Variants in CPEB1 observed in about 807,000 individuals in gnomAD.
CPEB1 encodes cytoplasmic polyadenylation element-binding protein 1.
Under a neutral mutation model 65.8 loss-of-function variants are expected in CPEB1, and 7 were observed. The observed-to-expected ratio is 0.11, with a 90% CI of 0.06 to 0.20. The LOEUF is 0.20. CPEB1 is among the 10% of genes least tolerant of loss of function. The probability of loss-of-function intolerance (pLI) is 1.00; values close to 1 mark genes in which losing one functional copy is unlikely to be tolerated. For synonymous variants in CPEB1, 262 were observed against 260.0 expected, an observed-to-expected ratio of 1.01 and a Z score of -0.08; for missense variants, 551 against 712.2, an observed-to-expected ratio of 0.77 and a Z score of 2.58.
intron 3 of CPEB1, among the ~76,000 whole-genome samples, chr15:82,601,009 A>G (rs2043068213): frequency 6.8e-6 from 1 of 147,290 alleles, no homozygotes; most frequent in African/African-American, 2.5e-5. Context: ...AGTTCAAGCA[A>G]TTCTCCACCC....
chr15:82,562,301 A>G, intron 4 of CPEB1: 1 of 434,386 alleles, frequency 2.3e-6, no homozygotes, highest in Non-Finnish European at 4.5e-6. Context: ...GACCTAGAGT[A>G]TTTGGGTCTT....
intron 9 of CPEB1, 90 bp from the exon 10 acceptor site, chr15:82,549,748 GAAGCT>G: frequency 7.8e-7 from 1 of 1,277,410 alleles, no homozygotes; most frequent in Non-Finnish European, 1.1e-6. Flanking sequence ...TGGAGATACT[GAAGCT>G]AAGCTAACGC....
At chr15:82,611,129 T>C (rs2044117903) in intron 3 of CPEB1, among the ~76,000 whole-genome samples, 1 of 151,310 alleles carries the variant, frequency 6.6e-6, no homozygotes, top group Non-Finnish European at 1.5e-5. Flanking sequence ...CCAGCACAAT[T>C]AGGAAGGAAA....
intron 1 of CPEB1, among the ~76,000 whole-genome samples, chr15:82,641,197 C>G (rs965597936): frequency 5.3e-5 from 8 of 151,982 alleles, no homozygotes; most frequent in Non-Finnish European, 1.5e-5. Flanking sequence ...TCTCTAACAC[C>G]TTTTGAGCTT....
chr15:82,586,440 G>A (rs1380096407), intron 3 of CPEB1, among the ~76,000 whole-genome samples: 1 of 152,110 alleles, frequency 6.6e-6, no homozygotes, highest in Non-Finnish European at 1.5e-5. Context: ...TGTTAAAAGT[G>A]CTTTAAACTC....
In CPEB1 at chr15:82,543,471, A is replaced by ATTT. The variant is rs2034640175; in HGVS notation, c.*1120_*1121insAAA. 1 of 150,982 alleles carries ATTT rather than the reference A, an allele frequency of 6.6e-6. No individual in the cohort carries two copies. The highest frequency in any genetic ancestry group is 1.5e-5 in the Non-Finnish European group (1 of 67,776). 9.4% of individuals were successfully genotyped at this position (150,982 alleles called of 1,614,324 possible). A position where few individuals can be genotyped will look rare whatever the true frequency, so the allele number is the denominator to read the frequency against. On this transcript the variant is annotated 3_prime_UTR_variant, in exon 13 of 13. Transcript: ENST00000684509. The stretch of plus-strand genomic sequence containing the variant: ...TTTTTTGTTTCTTTTTAAAAAAAAA[A>ATTT]AAAAAAAAAAAAAGGAAAGAAAAAA...
chr15:82,576,034 G>T lies in CPEB1; in HGVS notation c.272-4502C>A, dbSNP rs988809079. ...CTAATAAAACACCTGTGCAAGAATA[G>T]TCATAGCAGCTTTATTCATAATCAC... On this transcript the variant is annotated intron_variant, in intron 3 of 12. Transcript: ENST00000684509. Among the ~76,000 whole-genome samples, 84 of 152,196 alleles carry T rather than the reference G, an allele frequency of 5.5e-4. 3 individuals carry two copies. Among genetic ancestry groups the T allele is most frequent in the Non-Finnish European group, 1.5e-5 (1 of 68,034 alleles).
In CPEB1 at chr15:82,557,749, G is replaced by T. The variant is rs781701552; in HGVS notation, c.687+11C>A. 5 of 1,611,484 alleles carry T rather than the reference G, an allele frequency of 3.1e-6. No individual in the cohort carries two copies. The South Asian group carries it at 4.4e-5, about 14-fold the overall frequency. On this transcript the variant is annotated intron_variant, in intron 5 of 12. Transcript: ENST00000684509. ...CACCCACAACTCCCCTTTCCCAAAT[G>T]AGTTACATACAATCAAATCTGAGAG...
At chr15:82,583,466 CATAAT>C (rs2041487674) in intron 3 of CPEB1, 1 of 152,198 alleles carries the variant, frequency 6.6e-6, no homozygotes, top group Admixed American at 6.5e-5. Context: ...ACTGCATCTA[CATAAT>C]ATAAAAGCCA....
At chr15:82,574,883 T>C (rs1489836627) in intron 3 of CPEB1, among the ~76,000 whole-genome samples, 1 of 152,172 alleles carries the variant, frequency 6.6e-6, no homozygotes, top group Admixed American at 6.5e-5. Flanking sequence ...GAAAATATTA[T>C]AAACGGAAAA....
At chr15:82,635,225 T>C (rs1332993316) in intron 1 of CPEB1, among the ~76,000 whole-genome samples, 2 of 152,216 alleles carry the variant, frequency 1.3e-5, no homozygotes, top group Non-Finnish European at 2.9e-5. Context: ...ATTTTAGGCA[T>C]ATTCTATTAC....
chr15:82,589,014 T>C (rs962289627), intron 3 of CPEB1, among the ~76,000 whole-genome samples: 2 of 152,192 alleles, frequency 1.3e-5, no homozygotes, highest in East Asian at 3.8e-4. Flanking sequence ...CTCTCCCCCA[T>C]TCCCCGCAAT....
At chr15:82,631,982 C>CTTTTTTT (rs10656923) in intron 1 of CPEB1, among the ~76,000 whole-genome samples, 1 of 125,014 alleles carries the variant, frequency 8.0e-6, no homozygotes, top group Non-Finnish European at 1.6e-5. Context: ...ATTTTTTTCT[C>CTTTTTTT]TTTTTTTTTT....
At chr15:82,647,970 C>A (rs2047720773), upstream of CPEB1, 5 of 939,494 alleles carry the variant, frequency 5.3e-6, 1 homozygote, top group Non-Finnish European at 6.9e-6. Context: ...GGGCCGCGCG[C>A]AGCCCCGCAC....
At chr15:82,559,222 C>T (rs767749639) in intron 4 of CPEB1, among the ~76,000 whole-genome samples, 32 of 152,172 alleles carry the variant, frequency 2.1e-4, no homozygotes, top group South Asian at 1.9e-3. Flanking sequence ...TTTCAGGGTA[C>T]GAGACACACA....
intron 3 of CPEB1, among the ~76,000 whole-genome samples, chr15:82,624,749 T>A (rs1046895775): frequency 6.6e-6 from 1 of 152,144 alleles, no homozygotes; most frequent in African/African-American, 2.4e-5. Context: ...CTGAAAAATA[T>A]TTTCCTGTAA....
chr15:82,554,859 AACAG>A (rs1284183780), intron 6 of CPEB1, among the ~76,000 whole-genome samples: 2 of 152,266 alleles, frequency 1.3e-5, no homozygotes, highest in African/African-American at 4.8e-5. Context: ...TTACGACAAA[AACAG>A]AATATAATGG....
At chr15:82,623,790 T>G (rs1338307104) in intron 3 of CPEB1, among the ~76,000 whole-genome samples, 5 of 152,054 alleles carry the variant, frequency 3.3e-5, no homozygotes, top group Admixed American at 2.6e-4. Context: ...TTTTTACACT[T>G]TTTTTTACAC....
At chr15:82,596,725 T>C (rs1210017011) in intron 3 of CPEB1, among the ~76,000 whole-genome samples, 3 of 150,220 alleles carry the variant, frequency 2.0e-5, no homozygotes, top group South Asian at 2.1e-4. Context: ...AAAAGTTCAT[T>C]ACAGTATTAT....
Sources: allele counts gnomAD v4.1 joint callset (sites outside exome capture counted in the v4.1 genomes callset), GRCh38; gene constraint gnomAD v4.1.1; transcripts MANE v1.5; gene names NCBI Gene and HGNC (gene_info 2026-07-23, HGNC 2026-07-21).